Variants in IL4R observed in about 807,000 individuals in gnomAD.
The protein encoded by IL4R is interleukin-4 receptor subunit alpha.
Under a neutral mutation model 41.5 loss-of-function variants are expected in IL4R, and 17 were observed. The ratio of observed to expected loss-of-function variants is 0.41; its 90% CI spans 0.28 to 0.61. The LOEUF is 0.61. Among genes scored for constraint, IL4R ranks in the 20% least tolerant of loss-of-function variants. IL4R has a pLI of 0.31. For missense variants in IL4R, 974 were observed against 1,043.1 expected (o/e 0.93, Z 0.91); for synonymous variants, 402 against 422.9 (o/e 0.95, Z 0.61).
intron 6 of IL4R, among the ~76,000 whole-genome samples, chr16:27,351,857 AAAG>A (rs2085891458): frequency 6.6e-6 from 1 of 152,188 alleles, no homozygotes. Context: ...AAAAACATAA[AAAG>A]AAGCAGAGAA....
At chr16:27,332,971 T>A (rs372367873) in intron 2 of IL4R, among the ~76,000 whole-genome samples, 3 of 152,082 alleles carry the variant, frequency 2.0e-5, no homozygotes, top group African/African-American at 4.8e-5. Flanking sequence ...ACTTGGAAAT[T>A]TTCTGGCTTT....
upstream of IL4R, chr16:27,313,809 G>C (rs1047469198): frequency 4.8e-6 from 3 of 623,174 alleles, no homozygotes; most frequent in Non-Finnish European, 6.0e-6. Flanking sequence ...ACAGCGACAG[G>C]GGCGCGAGGT....
At chr16:27,318,257 T>C (rs1000577919) in intron 1 of IL4R, among the ~76,000 whole-genome samples, 10 of 152,198 alleles carry the variant, frequency 6.6e-5, no homozygotes, top group African/African-American at 2.2e-4. Context: ...CGGTGGGTAT[T>C]TTATACAAGG....
chr16:27,347,538 G>A (rs3024581), intron 6 of IL4R, among the ~76,000 whole-genome samples: 219 of 152,316 alleles, frequency 1.4e-3, no homozygotes, highest in Non-Finnish European at 2.7e-3. Context: ...TAAAAAGGGC[G>A]AGAGGATTTA....
intron 2 of IL4R, among the ~76,000 whole-genome samples, chr16:27,339,972 G>A (rs3024532): frequency 0.015 from 2,345 of 152,250 alleles, 57 homozygotes; most frequent in African/African-American, 0.053. Flanking sequence ...CAGAAGAATC[G>A]CTTGAACCCG....
At chr16:27,317,060 C>T (rs939776655) in intron 1 of IL4R, among the ~76,000 whole-genome samples, 2 of 152,070 alleles carry the variant, frequency 1.3e-5, no homozygotes, top group East Asian at 1.9e-4. Flanking sequence ...TGTGCCACCA[C>T]GGCTGGCTAA....
Position 27,363,952 on chromosome 16 carries a change from T to G in IL4R, c.*122T>G. 40 of 1,145,120 alleles carry G rather than the reference T, an allele frequency of 3.5e-5. No individual in the cohort carries two copies. Among genetic ancestry groups the G allele is most frequent in the Non-Finnish European group, 4.4e-5 (36 of 810,560 alleles). 70.9% of individuals were successfully genotyped at this position (1,145,120 alleles called of 1,614,324 possible). On this transcript the variant is annotated 3_prime_UTR_variant, in exon 11 of 11. Transcript: ENST00000395762. ...TTCCAAAAGACTTGAAGAACCATGGTATGAAGGTGATTGGCCCCACTGACG... is the reference window on the plus strand; with the variant it reads ...TTCCAAAAGACTTGAAGAACCATGGGATGAAGGTGATTGGCCCCACTGACG...
chr16:27,355,588 C>G (rs564861393), intron 7 of IL4R: 16 of 506,252 alleles, frequency 3.2e-5, no homozygotes, highest in Non-Finnish European at 5.7e-5. Flanking sequence ...GGAGGTGGCA[C>G]TGAGCTTTGG....
rs2086420928 is a variant in IL4R, at chr16:27,364,237, C to A, written c.*407C>A. ...ATGGCCCACGTGGAGGCCCACCTGC[C>A]TCTGTCTCACTGAACTAGAAGCCGA... On this transcript the variant is annotated 3_prime_UTR_variant, in exon 11 of 11. Coordinates refer to ENST00000395762, the MANE Select transcript of IL4R (RefSeq NM_000418.4). 5.7e-6 allele frequency: 1 copy of A among 176,076 alleles called. No homozygotes were observed. Among genetic ancestry groups the A allele is most frequent in the Non-Finnish European group, 1.2e-5 (1 of 83,662 alleles). 10.9% of individuals were successfully genotyped at this position (176,076 alleles called of 1,614,324 possible).
chr16:27,347,097 G>C (rs1044380204), intron 6 of IL4R, among the ~76,000 whole-genome samples: 3 of 152,148 alleles, frequency 2.0e-5, no homozygotes, highest in Non-Finnish European at 4.4e-5. Context: ...CACACCCCAG[G>C]CTTAGACTTT....
chr16:27,355,991 A>C, intron 8 of IL4R, 84 bp downstream of exon 8: 3 of 825,484 alleles, frequency 3.6e-6, no homozygotes, highest in Admixed American at 3.7e-5. Context: ...GCCCCTTTGC[A>C]GTCCTCTCAG....
intron 1 of IL4R, among the ~76,000 whole-genome samples, chr16:27,320,548 A>G (rs2084784885): frequency 6.6e-6 from 1 of 152,180 alleles, no homozygotes; most frequent in Admixed American, 6.5e-5. Context: ...TAAGTGGCAG[A>G]GTCCAGATTC....
rs1286984292 is a variant in IL4R at position 27,363,418 on chromosome 16, T to C, written c.2066T>C (p.Met689Thr). ...GLEPGEKVED[M>T]PKPPLPQEQA... ...GAGCCGGGGGAAAAGGTAGAGGACA[T>C]GCCAAAGCCCCCACTTCCCCAGGAG... The change falls in exon 11 of 11, where the codon ATG (methionine) becomes ACG (threonine). Residue 689 changes from methionine to threonine, a missense_variant. By Grantham distance (81) the Met-to-Thr change is moderately conservative. Coordinates refer to ENST00000395762, the MANE Select transcript of IL4R (RefSeq NM_000418.4). 1.2e-6 allele frequency: 2 copies of C among 1,614,116 alleles called. No individual in the cohort carries two copies. The highest frequency in any genetic ancestry group is 1.7e-6 in the Non-Finnish European group (2 of 1,179,998).
rs1197649934 is a variant in IL4R at position 27,336,480 on chromosome 16, C to T, written c.-18-3706C>T. 2.0e-5 allele frequency among the ~76,000 whole-genome samples: 3 copies of T among 151,334 alleles called. No homozygotes were observed. The East Asian group carries it at 5.8e-4, about 29-fold the overall frequency. On this transcript the variant is annotated intron_variant, in intron 2 of 10. Transcript: ENST00000395762. ...TCGCTTGAACTCAGGAGTTCGAGAC[C>T]AGCCTGGGCAACATAATGAGACCCC...
chr16:27,348,082 C>T (rs188195572), intron 6 of IL4R, among the ~76,000 whole-genome samples: 145 of 152,370 alleles, frequency 9.5e-4, no homozygotes, highest in African/African-American at 3.3e-3. Context: ...GGAGCAGGCA[C>T]CCGCCACCTT....
chr16:27,332,244 G>A (rs1191499013), intron 2 of IL4R, among the ~76,000 whole-genome samples: 1 of 152,084 alleles, frequency 6.6e-6, no homozygotes, highest in East Asian at 1.9e-4. Context: ...TCACAGTTCT[G>A]CAGGGCTGGG....
At chr16:27,359,572 G>T (rs937802005) in intron 9 of IL4R, among the ~76,000 whole-genome samples, 4 of 149,608 alleles carry the variant, frequency 2.7e-5, no homozygotes, top group Non-Finnish European at 5.9e-5. Context: ...TAGAAGAGAA[G>T]GTCTGAGGGT....
At chr16:27,324,192 C>T (rs933496368) in intron 1 of IL4R, among the ~76,000 whole-genome samples, 2 of 152,232 alleles carry the variant, frequency 1.3e-5, no homozygotes, top group Admixed American at 6.5e-5. Context: ...CTAATCAGCA[C>T]CCTGGCGCCA....
Position 27,345,967 on chromosome 16 carries a change from G to GTC in IL4R, c.362-497_362-496dup, listed in dbSNP as rs2085628321. 6.6e-6 allele frequency among the ~76,000 whole-genome samples: 1 copy of GTC among 152,012 alleles called. No homozygotes were observed. Among genetic ancestry groups the GTC allele is most frequent in the Admixed American group, 6.5e-5 (1 of 15,270 alleles). On this transcript the variant is annotated intron_variant, in intron 5 of 10. Coordinates refer to ENST00000395762, the MANE Select transcript of IL4R (RefSeq NM_000418.4). This position sits in a 1 kb window ranked among gnomAD's most constrained non-coding sequence, Gnocchi z 4.5. ...AGCCTGGGCGACAGAGTGAGATTAC[G>GTC]TCTCAAAAAAATAAAAATAAATAAA... is the stretch of plus-strand genomic sequence containing the variant.
Sources: gnomAD v4.1 joint callset for allele counts (sites outside exome capture counted in the v4.1 genomes callset) on GRCh38, gnomAD v4.1.1 for gene constraint, Gnocchi (gnomAD v3.1) non-coding constraint, MANE v1.5 for transcripts, NCBI Gene and HGNC (gene_info 2026-07-23, HGNC 2026-07-21) for gene names.